The following TENM2 variants were observed in gnomAD, a reference collection of about 807,000 sequenced individuals.
The protein encoded by TENM2 is teneurin-2.
A neutral mutation model predicts 245.2 loss-of-function variants in TENM2; 52 were observed. The observed-to-expected ratio is 0.21, with a 90% confidence interval of 0.17 to 0.27. The LOEUF is 0.27. Among genes scored for constraint, TENM2 ranks in the 10% least tolerant of loss-of-function variants. The pLI is 1.00. For missense variants in TENM2, 3,046 were observed against 3,666.8 expected (o/e 0.83, Z 4.37); for synonymous variants, 1,363 against 1,438.9 (o/e 0.95, Z 1.19).
At chr5:168,053,920 C>G (rs1011660952) in intron 6 of TENM2, among the ~76,000 whole-genome samples, 2 of 152,146 alleles carry the variant, frequency 1.3e-5, no homozygotes, top group African/African-American at 4.8e-5. Context: ...TTCCATGAAC[C>G]TCAGTTCTCT....
chr5:167,307,665 A>G (rs1755757786), intron 1 of TENM2, among the ~76,000 whole-genome samples: 1 of 152,238 alleles, frequency 6.6e-6, no homozygotes, highest in Non-Finnish European at 1.5e-5. Context: ...GTATTCATTC[A>G]GCAACATCAC....
At chr5:167,503,444 A>G (rs1769341690) in intron 2 of TENM2, among the ~76,000 whole-genome samples, 1 of 152,110 alleles carries the variant, frequency 6.6e-6, no homozygotes, top group Non-Finnish European at 1.5e-5. Flanking sequence ...AAAAGGAAGG[A>G]AGAGAAAGGA....
At chr5:167,490,058 C>T (rs907766883) in intron 2 of TENM2, among the ~76,000 whole-genome samples, 14 of 152,120 alleles carry the variant, frequency 9.2e-5, no homozygotes, top group Non-Finnish European at 2.1e-4. Flanking sequence ...TACTTTTCTG[C>T]AAGAGGTAAA....
the TENM2 span, among the ~76,000 whole-genome samples, chr5:167,069,028 C>T: frequency 1.3e-5 from 2 of 152,038 alleles, no homozygotes; most frequent in African/African-American, 2.4e-5. Context: ...CTCATATGCT[C>T]GTATTTTTAT....
At chr5:167,517,429 A>G (rs1224929129) in intron 2 of TENM2, among the ~76,000 whole-genome samples, 2 of 152,170 alleles carry the variant, frequency 1.3e-5, no homozygotes, top group Non-Finnish European at 2.9e-5. Flanking sequence ...AGGGAGGGAT[A>G]GGGAGATAAT....
At chr5:168,039,469 A>G (rs910451942) in intron 5 of TENM2, among the ~76,000 whole-genome samples, 1 of 152,210 alleles carries the variant, frequency 6.6e-6, no homozygotes, top group South Asian at 2.1e-4. Flanking sequence ...TTTGGTGAAT[A>G]AAACCTACCG....
intron 2 of TENM2, among the ~76,000 whole-genome samples, chr5:167,734,732 G>A (rs1651557488): frequency 6.6e-6 from 1 of 152,026 alleles, no homozygotes; most frequent in South Asian, 2.1e-4. Flanking sequence ...AGAATATGGG[G>A]GCAATTAAAC....
At chr5:168,190,940 C>T (rs1760899725) in intron 14 of TENM2, 1 of 161,620 alleles carries the variant, frequency 6.2e-6, no homozygotes, top group Admixed American at 6.2e-5. Flanking sequence ...TTTTTGAAAG[C>T]TGTTATTAAC....
the TENM2 span, among the ~76,000 whole-genome samples, chr5:167,271,176 G>T: frequency 6.6e-6 from 1 of 152,112 alleles, no homozygotes; most frequent in Non-Finnish European, 1.5e-5. Flanking sequence ...TTTCTCTGCT[G>T]CCTCTCCGAA....
At chr5:167,784,295 T>C (rs1764414747) in intron 2 of TENM2, among the ~76,000 whole-genome samples, 1 of 152,202 alleles carries the variant, frequency 6.6e-6, no homozygotes, top group Non-Finnish European at 1.5e-5. Context: ...TTTGTTGTTT[T>C]GGGGGGTAAA....
intron 2 of TENM2, among the ~76,000 whole-genome samples, chr5:167,521,781 A>G (rs1476890435): frequency 2.6e-5 from 4 of 152,100 alleles, no homozygotes; most frequent in African/African-American, 9.7e-5. Context: ...AAGGTGTAAA[A>G]CTTAGCTAAT....
chr5:168,042,126 T>C (rs1788243444), intron 5 of TENM2, among the ~76,000 whole-genome samples: 1 of 152,152 alleles, frequency 6.6e-6, no homozygotes, highest in South Asian at 2.1e-4. Flanking sequence ...ACCTGGTCTC[T>C]GAATGAGCTC....
chr5:167,351,747 A>T (rs765748289), intron 1 of TENM2, among the ~76,000 whole-genome samples: 1 of 152,136 alleles, frequency 6.6e-6, no homozygotes, highest in African/African-American at 2.4e-5. Context: ...TGTTTTCAAA[A>T]GTTTGCTGGC....
chr5:168,071,363 AT>A (rs1176882335), intron 7 of TENM2, among the ~76,000 whole-genome samples: 3 of 152,184 alleles, frequency 2.0e-5, no homozygotes, highest in Non-Finnish European at 1.5e-5. Flanking sequence ...GATAACTTTT[AT>A]TTTTGTTTTT....
At chr5:168,224,293 G>C (rs566396370) in intron 23 of TENM2, among the ~76,000 whole-genome samples, 1 of 152,294 alleles carries the variant, frequency 6.6e-6, no homozygotes, top group South Asian at 2.1e-4. Flanking sequence ...GGCCCTGGGC[G>C]AGTGATAGCG....
intron 3 of TENM2, among the ~76,000 whole-genome samples, chr5:167,928,584 A>C (rs576907479): frequency 5.3e-5 from 8 of 152,164 alleles, no homozygotes; most frequent in African/African-American, 1.9e-4. Context: ...CAGAAGAGAC[A>C]CCAAAATATG....
At chr5:167,393,272 A>G (rs1761869056) in intron 2 of TENM2, among the ~76,000 whole-genome samples, 1 of 152,200 alleles carries the variant, frequency 6.6e-6, no homozygotes. Flanking sequence ...CTATGTAGTG[A>G]TAAATGGTAT....
chr5:168,052,440 GTATA>G (rs556422610), intron 6 of TENM2, among the ~76,000 whole-genome samples: 1 of 149,874 alleles, frequency 6.7e-6, no homozygotes, highest in Non-Finnish European at 1.5e-5. Flanking sequence ...GTATGTATGT[GTATA>G]TATATATATA....
chr5:167,361,548 C>G (rs193204732), intron 1 of TENM2, among the ~76,000 whole-genome samples: 61 of 152,300 alleles, frequency 4.0e-4, no homozygotes, highest in African/African-American at 1.4e-3. Flanking sequence ...AAAATTGCCA[C>G]TGTGTGGCAA....
Sources: allele counts gnomAD v4.1 joint callset (sites outside exome capture counted in the v4.1 genomes callset), GRCh38; gene constraint gnomAD v4.1.1; transcripts MANE v1.5; gene names NCBI Gene and HGNC (gene_info 2026-07-23, HGNC 2026-07-21).